HDAC1: variants seen among roughly 807,000 people sequenced by gnomAD.
HDAC1 encodes histone deacetylase 1.
In HDAC1, 18 loss-of-function variants were observed where a neutral mutation model predicts 65.5. That is an observed-to-expected ratio of 0.27 (90% CI 0.19 to 0.41). The LOEUF (loss-of-function observed/expected upper bound fraction) is 0.41, where lower values mean the gene tolerates loss of function less well. Ranked by LOEUF, HDAC1 falls within the 10% of genes least tolerant of loss-of-function variation. HDAC1 has a pLI of 1.00. For synonymous variants in HDAC1, 211 were observed against 227.9 expected, an observed-to-expected ratio of 0.93 and a Z score of 0.67; for missense variants, 373 against 625.2, an observed-to-expected ratio of 0.60 and a Z score of 4.30.
At position 32,332,708 on chromosome 1, in the gene HDAC1, C is replaced by A; in HGVS notation, c.1380C>A (p.Thr460=). 6.4e-7 allele frequency: 1 copy of A among 1,554,808 alleles called. No homozygotes were observed. The highest frequency in any genetic ancestry group is 8.7e-7 in the Non-Finnish European group (1 of 1,148,516). ...EKDPEEKKEV[T]EEEKTKEEKP... ...TGTACTCTTGTGTTCTAGAAGTCACCGAAGAGGAGAAAACCAAGGAGGAGA... is the reference window on the plus strand; with the variant it reads ...TGTACTCTTGTGTTCTAGAAGTCACAGAAGAGGAGAAAACCAAGGAGGAGA... Residue 460 remains threonine (T), a synonymous_variant, in exon 13 of 14, where the codon ACC becomes ACA. Coordinates refer to ENST00000373548, the MANE Select transcript of HDAC1 (RefSeq NM_004964.3).
Position 32,327,195 on chromosome 1 carries a change from G to A in HDAC1, c.494+118G>A. On this transcript the variant is annotated intron_variant, in intron 5 of 13. Transcript: ENST00000373548. This position sits in a 1 kb window ranked among gnomAD's most constrained non-coding sequence, Gnocchi z 6.0. ...CCTACCGATGTGCTGGCTAGGATGT[G>A]CTCGGTGAGTGTCTCTGGCCATCAT... The A allele has an allele frequency of 1.0e-6, 1 of 1,000,716 alleles. No homozygotes were observed. Among genetic ancestry groups the A allele is most frequent in the Non-Finnish European group, 1.5e-6 (1 of 665,070 alleles). 62.0% of individuals were successfully genotyped at this position (1,000,716 alleles called of 1,614,324 possible).
rs1641118392 is a variant in HDAC1 at position 32,320,026 on chromosome 1, G to A, written c.280+3244G>A. Among the ~76,000 whole-genome samples the A allele has an allele frequency of 2.0e-5, 3 of 151,924 alleles. No homozygotes were observed. The South Asian group carries it at 6.2e-4, about 31-fold the overall frequency. The stretch of plus-strand genomic sequence containing the variant: ...GGTCAGTACATCGAGACACCATCCT[G>A]GCTAACACGGTGAAACCCCGTCTCC... On this transcript the variant is annotated intron_variant, in intron 3 of 13. Coordinates refer to ENST00000373548, the MANE Select transcript of HDAC1 (RefSeq NM_004964.3).
At chr1:32,313,149 G>A (rs562944812) in intron 2 of HDAC1, among the ~76,000 whole-genome samples, 11 of 151,616 alleles carry the variant, frequency 7.3e-5, no homozygotes, top group Non-Finnish European at 1.3e-4. Flanking sequence ...AGGCTGGAAC[G>A]CAGTGGCATG....
Position 32,309,894 on chromosome 1 carries a change from A to G in HDAC1, c.163-6771A>G, listed in dbSNP as rs148964328. 4.0e-3 allele frequency among the ~76,000 whole-genome samples: 614 copies of G among 152,198 alleles called. 3 individuals carry two copies. The highest frequency in any genetic ancestry group is 0.014 in the African/African-American group (576 of 41,510). On this transcript the variant is annotated intron_variant, in intron 2 of 13. Coordinates refer to ENST00000373548, the MANE Select transcript of HDAC1 (RefSeq NM_004964.3). ...CCTAAAGGTTGAGTAGAGGGTGTGA[A>G]GAGAACAGTGTTGTAGGTCATAGCA...
Position 32,330,139 on chromosome 1 carries a change from T to G in HDAC1, c.730-439T>G. ...TTAATAAGGGCTACAGAAGTGGGAGTTGTGGTCTCGGTCTCAGTAACGTTA... is the reference window on the plus strand; with the variant it reads ...TTAATAAGGGCTACAGAAGTGGGAGGTGTGGTCTCGGTCTCAGTAACGTTA... On this transcript the variant is annotated intron_variant, in intron 7 of 13. Coordinates refer to ENST00000373548, the MANE Select transcript of HDAC1 (RefSeq NM_004964.3). The surrounding 1 kb of genome is among the most constrained non-coding windows in gnomAD (Gnocchi z 4.2). 5.7e-6 allele frequency: 1 copy of G among 176,562 alleles called. No homozygotes were observed. The highest frequency in any genetic ancestry group is 1.2e-5 in the Non-Finnish European group (1 of 81,870). The allele number at this position is 176,562 out of a possible 1,614,324, so 10.9% of individuals were successfully genotyped here.
At chr1:32,294,550 C>T (rs193112212) in intron 1 of HDAC1, among the ~76,000 whole-genome samples, 1,499 of 139,962 alleles carry the variant, frequency 0.011, 110 homozygotes, top group Admixed American at 0.1. Context: ...CTCGCTCTGT[C>T]GCCCAGGCTG....
At chr1:32,301,968 C>T (rs1570005869) in intron 1 of HDAC1, among the ~76,000 whole-genome samples, 1 of 152,058 alleles carries the variant, frequency 6.6e-6, no homozygotes, top group Admixed American at 6.6e-5. Context: ...GATGGGGAGC[C>T]ATAAGGATTT....
chr1:32,305,014 T>C (rs923290549), intron 2 of HDAC1, among the ~76,000 whole-genome samples: 2 of 152,230 alleles, frequency 1.3e-5, no homozygotes, highest in African/African-American at 4.8e-5. Context: ...GCCTGTATTC[T>C]TTTTTAAAAA....
chr1:32,316,180 A>G (rs1025678229), intron 2 of HDAC1, among the ~76,000 whole-genome samples: 1 of 151,850 alleles, frequency 6.6e-6, no homozygotes, highest in Non-Finnish European at 1.5e-5. Flanking sequence ...GCTACTTGGA[A>G]GGCTGAGGCA....
chr1:32,327,800 A>T lies in HDAC1; in HGVS notation c.636+123A>T, dbSNP rs759973742. ...CTGCCAATCAGAATACCACATCCCAATCTGAAGCACTTGCCCTGATCTCTT... is the reference window on the plus strand; with the variant it reads ...CTGCCAATCAGAATACCACATCCCATTCTGAAGCACTTGCCCTGATCTCTT... On this transcript the variant is annotated intron_variant, in intron 6 of 13. Transcript: ENST00000373548. The surrounding 1 kb of genome is among the most constrained non-coding windows in gnomAD (Gnocchi z 6.0). 2.6e-6 allele frequency: 2 copies of T among 782,228 alleles called. No individual in the cohort carries two copies. Among genetic ancestry groups the T allele is most frequent in the Admixed American group, 4.0e-5 (2 of 50,470 alleles). The allele number at this position is 782,228 out of a possible 1,614,324, so 48.5% of individuals were successfully genotyped here.
chr1:32,323,392 TATTTA>T (rs542590124), intron 3 of HDAC1, among the ~76,000 whole-genome samples: 198 of 152,128 alleles, frequency 1.3e-3, no homozygotes, highest in Non-Finnish European at 2.2e-3. Context: ...TTTCCCTACT[TATTTA>T]TTTATTTATT....
intron 1 of HDAC1, among the ~76,000 whole-genome samples, chr1:32,295,658 A>G (rs569865977): frequency 6.6e-6 from 1 of 152,328 alleles, no homozygotes; most frequent in African/African-American, 2.4e-5. Flanking sequence ...ACACCTCCCA[A>G]AAGGCTCCAC....
rs752491074 is a variant in HDAC1 at position 32,316,679 on chromosome 1, C to T, written c.177C>T (p.Ala59=). ...RKMEIYRPHK[A]NAEEMTKYHS... Reference sequence around the variant, plus strand: ...CTGCCCTCTAGCGCCCTCACAAAGCCAATGCTGAGGAGATGACCAAGTACC... The same window carrying T: ...CTGCCCTCTAGCGCCCTCACAAAGCTAATGCTGAGGAGATGACCAAGTACC... Residue 59 remains alanine, a synonymous_variant, in exon 3 of 14, where the codon GCC becomes GCT. Transcript: ENST00000373548. 6.2e-7 allele frequency: 1 copy of T among 1,612,302 alleles called. No homozygotes were observed. Among genetic ancestry groups the T allele is most frequent in the Non-Finnish European group, 8.5e-7 (1 of 1,178,414 alleles).
intron 6 of HDAC1, among the ~76,000 whole-genome samples, chr1:32,328,851 G>A (rs531614495): frequency 1.3e-5 from 2 of 152,284 alleles, no homozygotes; most frequent in East Asian, 3.9e-4. Flanking sequence ...CTCAGTCTGG[G>A]GGTAGGCTTA....
chr1:32,312,037 G>T (rs1480241965), intron 2 of HDAC1, among the ~76,000 whole-genome samples: 2 of 152,088 alleles, frequency 1.3e-5, no homozygotes, highest in Non-Finnish European at 2.9e-5. Context: ...TAGAAACAGG[G>T]TCTCACTGTG....
At position 32,316,720 on chromosome 1, in the gene HDAC1, T is replaced by G. The variant is rs780225085; in HGVS notation, c.218T>G (p.Ile73Ser). Residue 73 changes from isoleucine (I) to serine (S), a missense_variant, in exon 3 of 14, where the codon ATT (isoleucine) becomes AGT (serine). Ile to Ser is a moderately radical substitution (Grantham distance 142). Around this residue, in one of 4 missense-constraint regions of HDAC1, gnomAD observed 80 missense variants for 126.3 expected, o/e 0.63. Coordinates refer to ENST00000373548, the MANE Select transcript of HDAC1 (RefSeq NM_004964.3). ...EMTKYHSDDY[I>S]KFLRSIRPDN... ...ACCAAGTACCACAGCGATGACTACA[T>G]TAAATTCTTGCGCTCCATCCGTCCA... 6.2e-7 allele frequency: 1 copy of G among 1,614,086 alleles called. No homozygotes were observed.
chr1:32,297,733 C>G (rs1001319500), intron 1 of HDAC1, among the ~76,000 whole-genome samples: 1 of 150,820 alleles, frequency 6.6e-6, no homozygotes, highest in Non-Finnish European at 1.5e-5. Flanking sequence ...GCCTCAGCCT[C>G]CCGAGGAGCT....
intron 2 of HDAC1, among the ~76,000 whole-genome samples, chr1:32,311,341 G>A (rs1640988512): frequency 6.6e-6 from 1 of 152,052 alleles, no homozygotes; most frequent in African/African-American, 2.4e-5. Context: ...GGTCGCGGGT[G>A]CCTGTAATCC....
At chr1:32,308,867 C>T (rs1395115280) in intron 2 of HDAC1, among the ~76,000 whole-genome samples, 1 of 152,168 alleles carries the variant, frequency 6.6e-6, no homozygotes, top group African/African-American at 2.4e-5. Context: ...GGCTGGAGTG[C>T]AGTGATGTGA....
Sources: allele counts gnomAD v4.1 joint callset (sites outside exome capture counted in the v4.1 genomes callset), GRCh38; gene constraint gnomAD v4.1.1; regional missense constraint gnomAD v4.1.1; non-coding constraint Gnocchi (gnomAD v3.1); transcripts MANE v1.5; gene names NCBI Gene and HGNC (gene_info 2026-07-23, HGNC 2026-07-21).